The following PDE7B variants were observed in gnomAD, a reference collection of about 807,000 sequenced individuals.
PDE7B encodes the protein phosphodiesterase 7B, also known as 3',5'-cyclic-AMP phosphodiesterase 7B.
Under a neutral mutation model 56.2 loss-of-function variants are expected in PDE7B, and 29 were observed. The observed-to-expected ratio is 0.52, with a 90% confidence interval of 0.38 to 0.70. The LOEUF (loss-of-function observed/expected upper bound fraction) is 0.70, where lower values mean the gene tolerates loss of function less well. PDE7B is among the 30% of genes least tolerant of loss of function. PDE7B has a pLI of 0.00. For synonymous variants in PDE7B, 197 were observed against 196.9 expected (o/e 1.00, Z 0.00); for missense variants, 490 against 565.0 (o/e 0.87, Z 1.35).
At chr6:135,882,432 T>C (rs760345911) in intron 1 of PDE7B, among the ~76,000 whole-genome samples, 3 of 152,190 alleles carry the variant, frequency 2.0e-5, no homozygotes, top group Non-Finnish European at 4.4e-5. Flanking sequence ...CCCTTCAATA[T>C]CAAATCATAT....
intron 1 of PDE7B, among the ~76,000 whole-genome samples, chr6:135,879,978 C>A (rs1583732041): frequency 6.6e-6 from 1 of 152,088 alleles, no homozygotes; most frequent in East Asian, 1.9e-4. Flanking sequence ...TATCTACCCC[C>A]AAATTAAATA....
intron 2 of PDE7B, among the ~76,000 whole-genome samples, chr6:136,104,190 G>A (rs1015181788): frequency 1.4e-5 from 2 of 144,664 alleles, no homozygotes; most frequent in Admixed American, 1.3e-4. Context: ...AAAAAAAGCA[G>A]CAGCCTTTCA....
intron 1 of PDE7B, among the ~76,000 whole-genome samples, chr6:135,902,889 T>C (rs1383892285): frequency 3.3e-5 from 5 of 152,102 alleles, no homozygotes; most frequent in Admixed American, 2.6e-4. Context: ...CCCTGGAAAG[T>C]TGATGTTGTT....
At chr6:135,956,402 G>A (rs1326332770) in intron 2 of PDE7B, among the ~76,000 whole-genome samples, 1 of 152,136 alleles carries the variant, frequency 6.6e-6, no homozygotes, top group East Asian at 1.9e-4. Flanking sequence ...ACAACAGCAA[G>A]AGCATCAGCA....
intron 2 of PDE7B, among the ~76,000 whole-genome samples, chr6:136,020,921 C>T (rs1054605371): frequency 6.6e-6 from 1 of 152,108 alleles, no homozygotes; most frequent in Non-Finnish European, 1.5e-5. Flanking sequence ...TTTACCATTG[C>T]ATGATAACAA....
intron 9 of PDE7B, among the ~76,000 whole-genome samples, chr6:136,177,760 A>T (rs1032403894): frequency 2.0e-5 from 3 of 152,212 alleles, no homozygotes; most frequent in Non-Finnish European, 2.9e-5. Flanking sequence ...CAATTATTGC[A>T]TTCCCAAATA....
intron 2 of PDE7B, chr6:135,993,132 A>G (rs1319148949): frequency 5.3e-5 from 8 of 152,202 alleles, no homozygotes; most frequent in Non-Finnish European, 1.0e-4. Context: ...GGGCCAGGTC[A>G]CATTTCTGTA....
intron 1 of PDE7B, among the ~76,000 whole-genome samples, chr6:135,918,596 G>A (rs1231209865): frequency 1.3e-5 from 2 of 151,700 alleles, no homozygotes; most frequent in Non-Finnish European, 2.9e-5. Context: ...ATCCCCTCCT[G>A]TAAGATGAAA....
chr6:136,053,388 T>A (rs1776669054), intron 2 of PDE7B, among the ~76,000 whole-genome samples: 1 of 152,086 alleles, frequency 6.6e-6, no homozygotes, highest in South Asian at 2.1e-4. Flanking sequence ...GGACATGAAC[T>A]CATCATTTTT....
chr6:136,043,327 G>A (rs534610132), intron 2 of PDE7B, among the ~76,000 whole-genome samples: 1 of 152,058 alleles, frequency 6.6e-6, no homozygotes, highest in African/African-American at 2.4e-5. Flanking sequence ...CTCATGAAAG[G>A]TTCAAAACTG....
At chr6:135,947,976 A>T (rs538824982) in intron 2 of PDE7B, among the ~76,000 whole-genome samples, 12 of 152,214 alleles carry the variant, frequency 7.9e-5, no homozygotes, top group Admixed American at 5.2e-4. Flanking sequence ...CACAACTATT[A>T]TCGACACAGC....
intron 2 of PDE7B, among the ~76,000 whole-genome samples, chr6:136,093,046 C>T (rs924270993): frequency 6.6e-6 from 1 of 152,150 alleles, no homozygotes. Context: ...AACATCATGT[C>T]GTATACCATA....
intron 8 of PDE7B, among the ~76,000 whole-genome samples, chr6:136,168,411 C>T (rs1024479378): frequency 6.6e-6 from 1 of 152,134 alleles, no homozygotes; most frequent in African/African-American, 2.4e-5. Flanking sequence ...CAGAGGCCAG[C>T]AAGCTCCTTG....
intron 11 of PDE7B, among the ~76,000 whole-genome samples, chr6:136,183,336 G>A (rs1056288154): frequency 1.3e-5 from 2 of 152,060 alleles, no homozygotes; most frequent in Admixed American, 1.3e-4. Flanking sequence ...GCTCACGCCT[G>A]TAATCCCAAG....
intron 2 of PDE7B, among the ~76,000 whole-genome samples, chr6:135,996,654 T>G (rs1315536341): frequency 1.3e-5 from 2 of 152,232 alleles, no homozygotes; most frequent in East Asian, 3.8e-4. Flanking sequence ...TCATTCTCTG[T>G]CCCTGTGTCA....
chr6:136,104,625 T>C (rs1278769732), intron 2 of PDE7B, among the ~76,000 whole-genome samples: 2 of 152,224 alleles, frequency 1.3e-5, no homozygotes, highest in Admixed American at 6.5e-5. Context: ...AAATATACCA[T>C]TAACACATAA....
chr6:135,903,829 A>G (rs79538924), intron 1 of PDE7B, among the ~76,000 whole-genome samples: 1,700 of 152,332 alleles, frequency 0.011, 26 homozygotes, highest in African/African-American at 0.038. Context: ...ATGAGCATGT[A>G]CAGAAATGAA....
chr6:136,175,927 A>G (rs1363822656), intron 9 of PDE7B, among the ~76,000 whole-genome samples: 1 of 152,070 alleles, frequency 6.6e-6, no homozygotes, highest in Non-Finnish European at 1.5e-5. Context: ...ACCATCACCA[A>G]AATTGAGTTT....
chr6:135,965,682 G>A (rs143561492), intron 2 of PDE7B, among the ~76,000 whole-genome samples: 1 of 152,204 alleles, frequency 6.6e-6, no homozygotes, highest in African/African-American at 2.4e-5. Context: ...CATGGGAACC[G>A]AACCTCATGA....
Sources: allele counts gnomAD v4.1 joint callset (sites outside exome capture counted in the v4.1 genomes callset), GRCh38; gene constraint gnomAD v4.1.1; transcripts MANE v1.5; gene names NCBI Gene and HGNC (gene_info 2026-07-23, HGNC 2026-07-21).